ATR: variants seen among roughly 807,000 people sequenced by gnomAD.
ATR encodes serine/threonine-protein kinase ATR.
A neutral mutation model predicts 305.3 loss-of-function variants in ATR; 142 were observed. The observed-to-expected ratio is 0.47, with a 90% CI of 0.41 to 0.53. The LOEUF is 0.53. Ranked by LOEUF, ATR falls within the 20% of genes least tolerant of loss-of-function variation. ATR has a pLI of 0.00. For synonymous variants in ATR, 1,050 were observed against 1,068.1 expected (o/e 0.98, Z 0.33); for missense variants, 2,135 against 3,133.1 (o/e 0.68, Z 7.60).
At chr3:142,531,817 T>C (rs1479893398) in intron 21 of ATR, among the ~76,000 whole-genome samples, 12 of 152,238 alleles carry the variant, frequency 7.9e-5, no homozygotes, top group Non-Finnish European at 1.8e-4. Flanking sequence ...TCTAGATCCC[T>C]GAGGAATCGC....
intron 25 of ATR, among the ~76,000 whole-genome samples, chr3:142,514,634 GAAAA>G (rs777062209): frequency 8.0e-6 from 1 of 124,612 alleles, no homozygotes. Flanking sequence ...ACTCTGTCTC[GAAAA>G]AAAAAAAAAA....
intron 16 of ATR, among the ~76,000 whole-genome samples, chr3:142,544,452 CAAAAAAAAAAAAAAAAA>C (rs57120276): frequency 5.3e-5 from 1 of 18,962 alleles, no homozygotes; most frequent in African/African-American, 1.6e-4. Flanking sequence ...ATCCTGCCTC[CAAAAAAAAAAAAAAAAA>C]AAAAAAAAAA....
In ATR at chr3:142,563,006, A is replaced by T. The variant is rs1553772379; in HGVS notation, c.396T>A (p.Phe132Leu). The T allele has an allele frequency of 4.4e-6, 7 of 1,598,876 alleles. No homozygotes were observed. In the South Asian group the frequency reaches 5.7e-5, roughly 13 times the overall value. The change falls in exon 4 of 47, where the codon TTT becomes TTA. Residue 132 changes from phenylalanine (F) to leucine (L), a missense_variant. Phe to Leu is a conservative substitution (Grantham distance 22). This residue lies in a region of ATR where 744 missense variants were observed against 873.2 expected (regional missense o/e 0.85). Transcript: ENST00000350721. ...TAGCAGGACTCTTGCTTTTAAAAAG[A>T]AATAATAATGAACAGATGACTTCAC... ...KICEVICSLLFLFKSKSPAIF... is the reference protein window; with the variant it reads ...KICEVICSLLLLFKSKSPAIF...
At chr3:142,555,792 C>T (rs1299727033) in intron 10 of ATR, 85 bp downstream of exon 10, 17 of 1,461,310 alleles carry the variant, frequency 1.2e-5, no homozygotes, top group Non-Finnish European at 1.5e-5. Flanking sequence ...TGTAATTTTT[C>T]AAGGCTTCAG....
chr3:142,454,605 C>T (rs890400004), intron 45 of ATR, among the ~76,000 whole-genome samples: 37 of 151,774 alleles, frequency 2.4e-4, no homozygotes, highest in African/African-American at 9.0e-4. Flanking sequence ...CCTCGCCCGG[C>T]TAATTTTTTG....
intron 17 of ATR, among the ~76,000 whole-genome samples, chr3:142,542,447 AG>A (rs1262958375): frequency 6.6e-6 from 1 of 152,204 alleles, no homozygotes; most frequent in African/African-American, 2.4e-5. Context: ...AGTTCCTTTT[AG>A]TCACTTTGGG....
At chr3:142,455,908 A>C (rs1211018387) in intron 45 of ATR, among the ~76,000 whole-genome samples, 1 of 152,268 alleles carries the variant, frequency 6.6e-6, no homozygotes, top group Non-Finnish European at 1.5e-5. Flanking sequence ...CAAAATTTAA[A>C]ACTTTTATGT....
At chr3:142,472,238 A>T (rs2071300640) in intron 36 of ATR, 1 of 152,186 alleles carries the variant, frequency 6.6e-6, no homozygotes, top group Non-Finnish European at 1.5e-5. Context: ...ATGGGAGTGC[A>T]GATATCTCTT....
At chr3:142,475,742 C>T (rs1477817936) in intron 36 of ATR, among the ~76,000 whole-genome samples, 12 of 152,228 alleles carry the variant, frequency 7.9e-5, no homozygotes, top group African/African-American at 2.7e-4. Flanking sequence ...TATTTCTCCA[C>T]ATCCTCTCCA....
intron 23 of ATR, among the ~76,000 whole-genome samples, chr3:142,521,017 T>C (rs1446521220): frequency 6.6e-6 from 1 of 152,234 alleles, no homozygotes; most frequent in Non-Finnish European, 1.5e-5. Flanking sequence ...TTGAAGCCAA[T>C]GCTCATTGAC....
intron 42 of ATR, among the ~76,000 whole-genome samples, chr3:142,459,812 G>A (rs888126207): frequency 1.3e-5 from 2 of 151,996 alleles, no homozygotes; most frequent in African/African-American, 4.8e-5. Flanking sequence ...AGGGACCACC[G>A]TACTTACCCA....
At chr3:142,517,734 G>T (rs755225706) in intron 24 of ATR, among the ~76,000 whole-genome samples, 15 of 152,152 alleles carry the variant, frequency 9.9e-5, no homozygotes, top group Non-Finnish European at 1.9e-4. Flanking sequence ...CTTAAAAGTT[G>T]CTTCCTATGA....
chr3:142,490,898 T>C (rs114484906), intron 35 of ATR, among the ~76,000 whole-genome samples: 2,032 of 152,332 alleles, frequency 0.013, 23 homozygotes, highest in Non-Finnish European at 0.022. Context: ...CTGCAATTAA[T>C]AACTTTCCTA....
chr3:142,506,279 T>G (rs1008703910), intron 28 of ATR, among the ~76,000 whole-genome samples: 3 of 152,224 alleles, frequency 2.0e-5, no homozygotes, highest in Non-Finnish European at 2.9e-5. Flanking sequence ...CCATATACTC[T>G]GGTTCCCAAA....
intron 46 of ATR, chr3:142,450,207 A>T (rs2070758581): frequency 5.2e-6 from 3 of 574,462 alleles, no homozygotes; most frequent in South Asian, 3.5e-5. Context: ...TGGACTCCAA[A>T]TATGACTTAT....
chr3:142,477,574 C>G (rs1005372064), intron 36 of ATR, among the ~76,000 whole-genome samples: 1 of 152,128 alleles, frequency 6.6e-6, no homozygotes, highest in Non-Finnish European at 1.5e-5. Context: ...GTGTCTCTGC[C>G]AGGCTTTGGT....
chr3:142,526,286 TAAGA>T (rs1335395650), intron 21 of ATR, among the ~76,000 whole-genome samples: 2 of 152,134 alleles, frequency 1.3e-5, no homozygotes, highest in African/African-American at 4.8e-5. Context: ...TATATTAGCA[TAAGA>T]AATGGAGATA....
intron 23 of ATR, 125 bp downstream of exon 23, chr3:142,522,602 AT>A: frequency 1.2e-6 from 1 of 847,096 alleles, no homozygotes. Context: ...AATGTTTATC[AT>A]GAACTTGTAT....
intron 27 of ATR, 59 bp from the exon 28 acceptor site, chr3:142,508,168 A>C: frequency 2.1e-6 from 3 of 1,417,402 alleles, no homozygotes; most frequent in Non-Finnish European, 2.9e-6. Context: ...TAAAAGTGTC[A>C]ATTTAAGTAT....
Sources: gnomAD v4.1 joint callset for allele counts (sites outside exome capture counted in the v4.1 genomes callset) on GRCh38, gnomAD v4.1.1 for gene constraint, gnomAD v4.1.1 regional missense constraint, MANE v1.5 for transcripts, NCBI Gene and HGNC (gene_info 2026-07-23, HGNC 2026-07-21) for gene names.